Variants in SLC45A1 observed in about 807,000 individuals in gnomAD.
The protein encoded by SLC45A1 is solute carrier family 45 member 1, also known as proton-associated sugar transporter A.
SLC45A1 carries 28 observed loss-of-function variants against 57.6 expected under a neutral mutation model. That is an observed-to-expected ratio of 0.49 (90% CI 0.36 to 0.67). The LOEUF is 0.67. Ranked by LOEUF, SLC45A1 falls within the 30% of genes least tolerant of loss-of-function variation. The probability of loss-of-function intolerance (pLI) is 0.00; values close to 1 mark genes in which losing one functional copy is unlikely to be tolerated. For missense variants in SLC45A1, 814 were observed against 1,041.5 expected (o/e 0.78, Z 3.01); for synonymous variants, 459 against 471.5 (o/e 0.97, Z 0.34).
chr1:8,333,566 GCAGGGA>G (rs2124311762), intron 5 of SLC45A1, among the ~76,000 whole-genome samples: 1 of 152,244 alleles, frequency 6.6e-6, no homozygotes, highest in South Asian at 2.1e-4. Context: ...CTCCTGAGTA[GCAGGGA>G]CTACAGGTGT....
rs1461003043 is a variant in SLC45A1, at chr1:8,343,684, G to A, written c.1981-63G>A. On this transcript the variant is annotated intron_variant, in intron 8 of 8. Coordinates refer to ENST00000471889, the MANE Select transcript of SLC45A1 (RefSeq NM_001080397.3). The surrounding 1 kb of genome is among the most constrained non-coding windows in gnomAD (Gnocchi z 7.7). ...GCCTCCTGGGCTCGCAGGACACACCGAGCTCGGTCACCCCGTGCTGGCCGC... is the reference window on the plus strand; with the variant it reads ...GCCTCCTGGGCTCGCAGGACACACCAAGCTCGGTCACCCCGTGCTGGCCGC... The A allele has an allele frequency of 1.6e-5, 25 of 1,552,646 alleles. No homozygotes were observed. The highest frequency in any genetic ancestry group is 3.5e-5 in the Admixed American group (2 of 57,108).
chr1:8,330,580 G>A lies in SLC45A1; in HGVS notation c.1087G>A (p.Glu363Lys), dbSNP rs760878880. 21 of 1,613,398 alleles carry A rather than the reference G, an allele frequency of 1.3e-5. No individual in the cohort carries two copies. Among genetic ancestry groups the A allele is most frequent in the Middle Eastern group, 1.6e-4 (1 of 6,084 alleles). ...GGACAGCTCCCTGACGGGCATCAGC[G>A]AGTTCGCCTCATCCTTTGGCACGGC... is the stretch of plus-strand genomic sequence containing the variant. ...SRDSSLTGIS[E>K]FASSFGTANI... The change falls in exon 5 of 9, where the codon GAG becomes AAG. Residue 363 changes from glutamate to lysine, a missense_variant. Glu to Lys is a moderately conservative substitution (Grantham distance 56). Transcript: ENST00000471889. The surrounding 1 kb of genome is among the most constrained non-coding windows in gnomAD (Gnocchi z 8.4).
Position 8,330,477 on chromosome 1 carries a change from G to A in SLC45A1, c.984G>A (p.Ser328=), listed in dbSNP as rs200823214. 4.8e-5 allele frequency: 78 copies of A among 1,612,610 alleles called. No homozygotes were observed. The East Asian group carries it at 9.1e-4, about 19-fold the overall frequency. ...PEEGPGDSLP[S]HTATNFSSPI... The stretch of plus-strand genomic sequence containing the variant: ...AAGGCCCTGGCGACAGCCTCCCGTC[G>A]CACACGGCCACCAACTTCTCCAGCC... The change falls in exon 5 of 9, where the codon TCG becomes TCA. Residue 328 remains serine, a synonymous_variant. Coordinates refer to ENST00000471889, the MANE Select transcript of SLC45A1 (RefSeq NM_001080397.3). The surrounding 1 kb of genome is among the most constrained non-coding windows in gnomAD (Gnocchi z 8.4).
intron 8 of SLC45A1, among the ~76,000 whole-genome samples, chr1:8,341,162 C>A (rs1428602522): frequency 1.4e-5 from 2 of 138,256 alleles, no homozygotes; most frequent in Non-Finnish European, 3.1e-5. Flanking sequence ...ATGGTGCCAC[C>A]GCACTCCAGC....
At position 8,319,124 on chromosome 1, in the gene SLC45A1, T is replaced by C. The variant is rs113385878; in HGVS notation, c.-25+938T>C. On this transcript the variant is annotated intron_variant, in intron 1 of 8. Transcript: ENST00000471889. Reference sequence around the variant, plus strand: ...GGTGAAACCCCATCTCTACTAAAAATACAAAATTAGCCGGGCGTGGTGGCA... The same window carrying C: ...GGTGAAACCCCATCTCTACTAAAAACACAAAATTAGCCGGGCGTGGTGGCA... Among the ~76,000 whole-genome samples the C allele has an allele frequency of 3.0e-3, 458 of 152,086 alleles. 3 individuals are homozygous for C. Among genetic ancestry groups the C allele is most frequent in the African/African-American group, 0.011 (445 of 41,488 alleles).
chr1:8,330,991 CT>C lies in SLC45A1; in HGVS notation c.1443+56del, dbSNP rs1315101614. ...TCAGAGGGTGGCATTCGGGGGTCCC[CT>C]GGTCAGTTACATGACAAAGAGGGAG... On this transcript the variant is annotated intron_variant, in intron 5 of 8. Transcript: ENST00000471889. The surrounding 1 kb of genome is among the most constrained non-coding windows in gnomAD (Gnocchi z 8.4). 31 of 1,518,652 alleles carry C rather than the reference CT, an allele frequency of 2.0e-5. No homozygotes were observed. The highest frequency in any genetic ancestry group is 2.4e-5 in the Non-Finnish European group (27 of 1,136,786). The allele number at this position is 1,518,652 out of a possible 1,614,324, so 94.1% of individuals were successfully genotyped here.
chr1:8,332,269 A>C (rs907709966), intron 5 of SLC45A1, among the ~76,000 whole-genome samples: 4 of 152,222 alleles, frequency 2.6e-5, no homozygotes, highest in African/African-American at 7.2e-5. Context: ...CCAAGTCTTC[A>C]TGGACGGTGG....
intron 1 of SLC45A1, among the ~76,000 whole-genome samples, chr1:8,320,575 G>A (rs1305425377): frequency 6.6e-6 from 1 of 152,018 alleles, no homozygotes; most frequent in East Asian, 1.9e-4. Flanking sequence ...GCCCAGGGAG[G>A]TTGAGGCTGC....
At position 8,335,454 on chromosome 1, in the gene SLC45A1, C is replaced by A; in HGVS notation, c.1461C>A (p.Leu487=). The A allele has an allele frequency of 6.3e-7, 1 of 1,594,996 alleles. No individual in the cohort carries two copies. The highest frequency in any genetic ancestry group is 8.5e-7 in the Non-Finnish European group (1 of 1,176,870). The change falls in exon 6 of 9, where the codon CTC becomes CTA. Residue 487 remains leucine, a synonymous_variant. Coordinates refer to ENST00000471889, the MANE Select transcript of SLC45A1 (RefSeq NM_001080397.3). The surrounding 1 kb of genome is among the most constrained non-coding windows in gnomAD (Gnocchi z 4.1). ...TFSQQVANIL[L]NGVKYESELT... is the part of the protein sequence containing the mutation. Reference sequence around the variant, plus strand: ...CTTCCCAGGTGGCCAATATCCTGCTCAACGGCGTGAAGTATGAGAGCGAGC... The same window carrying A: ...CTTCCCAGGTGGCCAATATCCTGCTAAACGGCGTGAAGTATGAGAGCGAGC...
intron 8 of SLC45A1, among the ~76,000 whole-genome samples, chr1:8,342,008 C>T (rs747384103): frequency 5.3e-5 from 8 of 152,062 alleles, no homozygotes; most frequent in Admixed American, 3.9e-4. Context: ...GAGATCGAGA[C>T]CATCCTGGCT....
chr1:8,326,644 C>T lies in SLC45A1; in HGVS notation c.715+602C>T, dbSNP rs1640211945. On this transcript the variant is annotated intron_variant, in intron 4 of 8. Coordinates refer to ENST00000471889, the MANE Select transcript of SLC45A1 (RefSeq NM_001080397.3). This position sits in a 1 kb window ranked among gnomAD's most constrained non-coding sequence, Gnocchi z 5.5. ...AACAGTGAAACACCAACAAAAAACA[C>T]AAAAATGTAAAAAAGGTGGCACTAA... Among the ~76,000 whole-genome samples the T allele has an allele frequency of 6.6e-6, 1 of 152,080 alleles. No homozygotes were observed.
At position 8,341,752 on chromosome 1, in the gene SLC45A1, G is replaced by A. The variant is rs1036894086; in HGVS notation, c.1981-1995G>A. Among the ~76,000 whole-genome samples the A allele has an allele frequency of 2.7e-5, 4 of 149,168 alleles. No homozygotes were observed. The East Asian group carries it at 6.1e-4, about 23-fold the overall frequency. ...AGCCTGGCCAACATGACGAAACCAT[G>A]TCTACTAAAATACAAAAATTAGCCA... On this transcript the variant is annotated intron_variant, in intron 8 of 8. Transcript: ENST00000471889.
chr1:8,322,027 A>ATGGATGGGTGGG (rs1557557358), intron 1 of SLC45A1, among the ~76,000 whole-genome samples: 1 of 17,078 alleles, frequency 5.9e-5, no homozygotes, highest in Non-Finnish European at 1.1e-4. Context: ...GGATGGATGG[A>ATGGATGGGTGGG]TGGGTGAGTG....
At position 8,335,391 on chromosome 1, in the gene SLC45A1, G is replaced by T; in HGVS notation, c.1444-46G>T. The T allele has an allele frequency of 6.5e-7, 1 of 1,540,102 alleles. No individual in the cohort carries two copies. Among genetic ancestry groups the T allele is most frequent in the Non-Finnish European group, 8.7e-7 (1 of 1,147,018 alleles). On this transcript the variant is annotated intron_variant, in intron 5 of 8. Coordinates refer to ENST00000471889, the MANE Select transcript of SLC45A1 (RefSeq NM_001080397.3). The surrounding 1 kb of genome is among the most constrained non-coding windows in gnomAD (Gnocchi z 4.1). The stretch of plus-strand genomic sequence containing the variant: ...GAGCAGAGCAGGGTCTGCGCTGTGT[G>T]ATGGGGGTGCGGGGCTCTGATGAGG...
At chr1:8,340,483 G>A (rs1640775869) in intron 8 of SLC45A1, among the ~76,000 whole-genome samples, 1 of 152,066 alleles carries the variant, frequency 6.6e-6, no homozygotes, top group Admixed American at 6.6e-5. Flanking sequence ...ATAAAGAGAG[G>A]ATCAGTTCAC....
Position 8,334,975 on chromosome 1 carries a change from TC to T in SLC45A1, c.1444-461del, listed in dbSNP as rs140615597. Among the ~76,000 whole-genome samples, 819 of 152,270 alleles carry T rather than the reference TC, an allele frequency of 5.4e-3. 9 individuals are homozygous for T. The highest frequency in any genetic ancestry group is 0.019 in the African/African-American group (790 of 41,552). ...TGCTCATGTGGGCAGGGCCGCCCTG[TC>T]TTCTGTGTGGTGGGGGTTCCACCTG... is the stretch of plus-strand genomic sequence containing the variant. On this transcript the variant is annotated intron_variant, in intron 5 of 8. Coordinates refer to ENST00000471889, the MANE Select transcript of SLC45A1 (RefSeq NM_001080397.3).
At chr1:8,322,014 GATGGATGGATGGATGGGTGA>G (rs1640025819) in intron 1 of SLC45A1, among the ~76,000 whole-genome samples, 2 of 72,408 alleles carry the variant, frequency 2.8e-5, no homozygotes, top group South Asian at 5.8e-4. Context: ...TGGATGGATG[GATGGATGGATGGATGGGTGA>G]GTGGGTGGGT....
At chr1:8,321,468 C>G (rs1640006730) in intron 1 of SLC45A1, among the ~76,000 whole-genome samples, 6 of 152,104 alleles carry the variant, frequency 3.9e-5, no homozygotes, top group Admixed American at 3.3e-4. Flanking sequence ...CATCTCTCAC[C>G]CCACCCCCAC....
rs1235532293 is a variant in SLC45A1 at position 8,330,893 on chromosome 1, G to T, written c.1400G>T (p.Gly467Val). The change falls in exon 5 of 9, where the codon GGT (glycine) becomes GTT (valine). Residue 467 changes from glycine to valine, a missense_variant. Transcript: ENST00000471889. This position sits in a 1 kb window ranked among gnomAD's most constrained non-coding sequence, Gnocchi z 8.4. ...LAIPDAAGGG[G>V]PETSRRRNVT... ...ATCCCGGACGCAGCCGGAGGAGGGG[G>T]TCCCGAAACCAGCAGGAGAAGGAAT... 2.5e-6 allele frequency: 4 copies of T among 1,602,130 alleles called. No homozygotes were observed. Among genetic ancestry groups the T allele is most frequent in the Non-Finnish European group, 3.4e-6 (4 of 1,171,756 alleles).
Sources: allele counts gnomAD v4.1 joint callset (sites outside exome capture counted in the v4.1 genomes callset), GRCh38; gene constraint gnomAD v4.1.1; non-coding constraint Gnocchi (gnomAD v3.1); transcripts MANE v1.5; gene names NCBI Gene and HGNC (gene_info 2026-07-23, HGNC 2026-07-21).